AGAP1: variants seen among roughly 807,000 people sequenced by gnomAD.
The protein encoded by AGAP1 is ArfGAP with GTPase domain, ankyrin repeat and PH domain 1, also known as arf-GAP with GTPase, ANK repeat and PH domain-containing protein 1.
AGAP1 carries 29 observed loss-of-function variants against 105.3 expected under a neutral mutation model. The ratio of observed to expected loss-of-function variants is 0.28; its 90% CI spans 0.21 to 0.38. The LOEUF (loss-of-function observed/expected upper bound fraction) is 0.38, where lower values mean the gene tolerates loss of function less well. Ranked by LOEUF, AGAP1 falls within the 10% of genes least tolerant of loss-of-function variation. AGAP1 has a pLI of 1.00. For missense variants in AGAP1, 998 were observed against 1,165.1 expected (o/e 0.86, Z 2.09); for synonymous variants, 509 against 485.9 (o/e 1.05, Z -0.63).
intron 1 of AGAP1, among the ~76,000 whole-genome samples, chr2:235,704,535 A>G (rs962250188): frequency 1.2e-4 from 18 of 152,120 alleles, no homozygotes; most frequent in Admixed American, 4.6e-4. Context: ...AGTCCCAGCT[A>G]CTCGAGAGGC....
At position 236,073,356 on chromosome 2, in the gene AGAP1, C is replaced by T. The variant is rs984928663; in HGVS notation, c.2114+24075C>T. Among the ~76,000 whole-genome samples the T allele has an allele frequency of 3.3e-5, 5 of 152,134 alleles. No homozygotes were observed. Among genetic ancestry groups the T allele is most frequent in the Non-Finnish European group, 7.3e-5 (5 of 68,030 alleles). On this transcript the variant is annotated intron_variant, in intron 16 of 17. Coordinates refer to ENST00000304032, the MANE Select transcript of AGAP1 (RefSeq NM_001037131.3). This position sits in a 1 kb window ranked among gnomAD's most constrained non-coding sequence, Gnocchi z 5.4. ...GTAGGTTATTTCACACAGCACATCT[C>T]CATTAGGACTAGCCACGTTTCAAGC...
intron 5 of AGAP1, among the ~76,000 whole-genome samples, chr2:235,749,453 C>T (rs565911834): frequency 4.6e-5 from 7 of 151,982 alleles, no homozygotes; most frequent in Non-Finnish European, 8.8e-5. Flanking sequence ...CAAACGCCCC[C>T]GTGTGCACAC....
At chr2:235,903,399 G>A (rs185657552) in intron 10 of AGAP1, among the ~76,000 whole-genome samples, 23 of 152,330 alleles carry the variant, frequency 1.5e-4, no homozygotes, top group African/African-American at 5.3e-4. Flanking sequence ...CTAATGTTGA[G>A]ATGCCAATCA....
At chr2:235,709,522 T>C (rs941832367) in intron 2 of AGAP1, among the ~76,000 whole-genome samples, 1 of 88,938 alleles carries the variant, frequency 1.1e-5, no homozygotes. Flanking sequence ...ATCTCGTGGG[T>C]GTGTGTGTGT....
rs151041277 is a variant in AGAP1 at position 235,960,369 on chromosome 2, T to C, written c.1484-8093T>C. Among the ~76,000 whole-genome samples, 776 of 152,328 alleles carry C rather than the reference T, an allele frequency of 5.1e-3. 7 individuals are homozygous for C. Among genetic ancestry groups the C allele is most frequent in the African/African-American group, 0.018 (734 of 41,572 alleles). ...AAAGCTTGCCTCCTTCTCCCCGCAG[T>C]GGCCAGGACAAGGCTCACATTTTTC... On this transcript the variant is annotated intron_variant, in intron 12 of 17. Coordinates refer to ENST00000304032, the MANE Select transcript of AGAP1 (RefSeq NM_001037131.3). This position sits in a 1 kb window ranked among gnomAD's most constrained non-coding sequence, Gnocchi z 4.9.
intron 16 of AGAP1, among the ~76,000 whole-genome samples, chr2:236,118,580 G>A (rs941872432): frequency 9.2e-5 from 14 of 151,746 alleles, no homozygotes; most frequent in African/African-American, 3.4e-4. Flanking sequence ...GTAGAGACAG[G>A]GTTTCACCAT....
At position 235,826,638 on chromosome 2, in the gene AGAP1, C is replaced by T. The variant is rs371053261; in HGVS notation, c.1050+19307C>T. Among the ~76,000 whole-genome samples the T allele has an allele frequency of 3.9e-3, 597 of 152,172 alleles. 7 individuals are homozygous for T. The highest frequency in any genetic ancestry group is 0.014 in the African/African-American group (574 of 41,526). On this transcript the variant is annotated intron_variant, in intron 9 of 17. Transcript: ENST00000304032. ...CTAATTTTTGTATTTTTAGTAGAGA[C>T]GGGGTTTTACCATGTTGGCCAGGGT...
intron 13 of AGAP1, among the ~76,000 whole-genome samples, chr2:235,998,868 T>TTGGTGG (rs760942733): frequency 5.5e-5 from 8 of 144,474 alleles, no homozygotes; most frequent in African/African-American, 7.7e-5. Flanking sequence ...ATGGTGAGAG[T>TTGGTGG]TGGTGGTGGT....
rs111365396 is a variant in AGAP1 at position 235,549,807 on chromosome 2, T to C, written c.163+54958T>C. 1.9e-3 allele frequency among the ~76,000 whole-genome samples: 289 copies of C among 152,272 alleles called. 3 individuals carry two copies. The highest frequency in any genetic ancestry group is 6.3e-3 in the African/African-American group (260 of 41,564). ...CTCTAACAAACAGGTATAGACAACA[T>C]CCTAGTTGCATCTCACCGCGGCCTA... On this transcript the variant is annotated intron_variant, in intron 1 of 17. Coordinates refer to ENST00000304032, the MANE Select transcript of AGAP1 (RefSeq NM_001037131.3). The surrounding 1 kb of genome is among the most constrained non-coding windows in gnomAD (Gnocchi z 4.2).
chr2:235,536,673 ACACACC>A (rs1203292127), intron 1 of AGAP1, among the ~76,000 whole-genome samples: 14 of 122,904 alleles, frequency 1.1e-4, no homozygotes, highest in Admixed American at 6.4e-4. Context: ...ACACACACAC[ACACACC>A]CCTTGCTTAT....
intron 1 of AGAP1, among the ~76,000 whole-genome samples, chr2:235,508,236 T>C (rs1410546070): frequency 6.6e-6 from 1 of 152,242 alleles, no homozygotes; most frequent in Non-Finnish European, 1.5e-5. Flanking sequence ...AGTGCCACAG[T>C]GAACACACAA....
chr2:235,710,833 A>T lies in AGAP1; in HGVS notation c.222+1596A>T, dbSNP rs182861071. 6.3e-4 allele frequency among the ~76,000 whole-genome samples: 96 copies of T among 152,178 alleles called. 1 individual carries two copies. The highest frequency in any genetic ancestry group is 3.4e-3 in the Middle Eastern group (1 of 294). ...ACTCGGGTGCTGTGATGGGCACGGAACAGTAGTCACGGTGGTTTACTGGTG... is the reference window on the plus strand; with the variant it reads ...ACTCGGGTGCTGTGATGGGCACGGATCAGTAGTCACGGTGGTTTACTGGTG... On this transcript the variant is annotated intron_variant, in intron 2 of 17. Transcript: ENST00000304032.
intron 1 of AGAP1, among the ~76,000 whole-genome samples, chr2:235,628,116 C>T (rs953949844): frequency 2.6e-5 from 4 of 151,906 alleles, no homozygotes; most frequent in Non-Finnish European, 5.9e-5. Flanking sequence ...GCACTAGAGC[C>T]CTCCGTGAGA....
chr2:236,054,595 A>G (rs563593611), intron 16 of AGAP1, among the ~76,000 whole-genome samples: 1 of 152,076 alleles, frequency 6.6e-6, no homozygotes, highest in East Asian at 1.9e-4. Flanking sequence ...CCCACATGTC[A>G]CTTTCCTCAT....
intron 1 of AGAP1, among the ~76,000 whole-genome samples, chr2:235,584,390 A>T (rs537808184): frequency 6.6e-6 from 1 of 150,726 alleles, no homozygotes; most frequent in Admixed American, 6.7e-5. Flanking sequence ...AGTATGTTCA[A>T]GTCCTAACCT....
intron 12 of AGAP1, among the ~76,000 whole-genome samples, chr2:235,938,345 A>C (rs890346945): frequency 1.3e-5 from 2 of 152,126 alleles, no homozygotes; most frequent in Admixed American, 1.3e-4. Flanking sequence ...CATAATTGTC[A>C]CTAAGCTGTT....
intron 1 of AGAP1, among the ~76,000 whole-genome samples, chr2:235,568,743 C>A (rs1253445882): frequency 6.6e-6 from 1 of 152,234 alleles, no homozygotes. Flanking sequence ...AAGCTGTGTT[C>A]TTTCTAGAGG....
At chr2:235,894,765 C>G (rs2050723492) in intron 10 of AGAP1, among the ~76,000 whole-genome samples, 1 of 152,184 alleles carries the variant, frequency 6.6e-6, no homozygotes, top group Non-Finnish European at 1.5e-5. Flanking sequence ...CTCCTTTATT[C>G]TAAAGTGTGA....
intron 16 of AGAP1, among the ~76,000 whole-genome samples, chr2:236,110,632 T>A (rs185572631): frequency 2.8e-4 from 43 of 152,332 alleles, no homozygotes; most frequent in African/African-American, 8.7e-4. Flanking sequence ...GCTGTGAACA[T>A]TACTGATACT....
Sources: allele counts gnomAD v4.1 joint callset (sites outside exome capture counted in the v4.1 genomes callset), GRCh38; gene constraint gnomAD v4.1.1; non-coding constraint Gnocchi (gnomAD v3.1); transcripts MANE v1.5; gene names NCBI Gene and HGNC (gene_info 2026-07-23, HGNC 2026-07-21).